WNK1: variants seen among roughly 807,000 people sequenced by gnomAD.
WNK1 encodes the protein serine/threonine-protein kinase WNK1.
In WNK1, 38 loss-of-function variants were observed where a neutral mutation model predicts 222.8. That is an observed-to-expected ratio of 0.17 (90% CI 0.13 to 0.22). WNK1 has a LOEUF of 0.22. WNK1 is among the 10% of genes least tolerant of loss of function. The pLI is 1.00. For missense variants in WNK1, 2,348 were observed against 2,918.4 expected (o/e 0.80, Z 4.50); for synonymous variants, 1,090 against 1,092.9 (o/e 1.00, Z 0.05).
chr12:795,328 G>C (rs1166567587), intron 1 of WNK1, among the ~76,000 whole-genome samples: 1 of 137,690 alleles, frequency 7.3e-6, no homozygotes, highest in Non-Finnish European at 1.5e-5. Flanking sequence ...GTCAGTTTCT[G>C]ATATGGTTTG....
Position 894,649 on chromosome 12 carries a change from T to C in WNK1, c.5583+14T>C, listed in dbSNP as rs2154093418. The C allele has an allele frequency of 6.2e-7, 1 of 1,612,302 alleles. No individual in the cohort carries two copies. The highest frequency in any genetic ancestry group is 8.5e-7 in the Non-Finnish European group (1 of 1,178,378). ...GGACGATTTCAGGTAAGACAGTCAC[T>C]TTGTGTTGCCTTGATTCCTTCCTTT... On this transcript the variant is annotated intron_variant, in intron 23 of 27. Transcript: ENST00000315939.
At chr12:863,067 C>T (rs749337491) in intron 8 of WNK1, among the ~76,000 whole-genome samples, 17 of 152,010 alleles carry the variant, frequency 1.1e-4, no homozygotes, top group Non-Finnish European at 8.8e-5. Flanking sequence ...AAATAAAATA[C>T]GTCATCTGCC....
chr12:873,624 A>C (rs1952354635), intron 9 of WNK1, among the ~76,000 whole-genome samples: 1 of 152,204 alleles, frequency 6.6e-6, no homozygotes, highest in African/African-American at 2.4e-5. Context: ...TTCCATTTTA[A>C]ATAAAGTTCT....
intron 1 of WNK1, among the ~76,000 whole-genome samples, chr12:788,062 G>T (rs958059928): frequency 6.6e-6 from 1 of 152,064 alleles, no homozygotes; most frequent in African/African-American, 2.4e-5. Context: ...CCTTTAGCCA[G>T]GATTTCTCAG....
At chr12:866,402 C>G (rs571214179) in intron 8 of WNK1, among the ~76,000 whole-genome samples, 1 of 152,148 alleles carries the variant, frequency 6.6e-6, no homozygotes, top group African/African-American at 2.4e-5. Flanking sequence ...CTCGCTCTGT[C>G]GCCAGGCTGG....
At chr12:859,506 A>T in intron 6 of WNK1, 42 bp downstream of exon 6, 1 of 1,459,838 alleles carries the variant, frequency 6.9e-7, no homozygotes, top group South Asian at 1.2e-5. Context: ...TTAGACTTAT[A>T]TATATCAATA....
At chr12:887,531 T>A (rs937532376) in intron 20 of WNK1, among the ~76,000 whole-genome samples, 1 of 149,794 alleles carries the variant, frequency 6.7e-6, no homozygotes, top group Non-Finnish European at 1.5e-5. Flanking sequence ...TTGATACTAA[T>A]TTTTTTTTTA....
In WNK1 at chr12:910,340, A is replaced by G. The variant is rs957637144; in HGVS notation, c.*1548A>G. ...ATTCTAGGAAAGAATACTTATTCCT[A>G]CTCATTTCCTTTATGATGTCCAAAT... On this transcript the variant is annotated 3_prime_UTR_variant, in exon 28 of 28. Transcript: ENST00000315939. 2 of 152,098 alleles carry G rather than the reference A, an allele frequency of 1.3e-5. No individual in the cohort carries two copies. Among genetic ancestry groups the G allele is most frequent in the African/African-American group, 2.4e-5 (1 of 41,396 alleles). The allele number at this position is 152,098 out of a possible 1,614,324, so 9.4% of individuals were successfully genotyped here.
rs1029255913 is a variant in WNK1 at position 759,435 on chromosome 12, A to G, written c.759+5111A>G. Reference sequence around the variant, plus strand: ...AACCTCCACCTCCCGGGTTCCAGCAATGCTCCTGCCTCAGCCCCCTGAGTA... The same window carrying G: ...AACCTCCACCTCCCGGGTTCCAGCAGTGCTCCTGCCTCAGCCCCCTGAGTA... On this transcript the variant is annotated intron_variant, in intron 1 of 27. Transcript: ENST00000315939. Among the ~76,000 whole-genome samples, 9 of 147,414 alleles carry G rather than the reference A, an allele frequency of 6.1e-5. 2 individuals carry two copies. The Middle Eastern group carries it at 0.018, about 290-fold the overall frequency.
At chr12:857,921 C>A (rs946394178) in intron 5 of WNK1, among the ~76,000 whole-genome samples, 3 of 152,292 alleles carry the variant, frequency 2.0e-5, no homozygotes, top group East Asian at 3.9e-4. Context: ...AAAAAGGAGA[C>A]CAGCTAGTAC....
At chr12:804,453 ACCTAT>A (rs1946168116) in intron 1 of WNK1, among the ~76,000 whole-genome samples, 1 of 115,714 alleles carries the variant, frequency 8.6e-6, no homozygotes, top group South Asian at 3.0e-4. Flanking sequence ...GCTCACTGCA[ACCTAT>A]GCGTCCCAGG....
chr12:761,805 G>T (rs1266793759), intron 1 of WNK1, among the ~76,000 whole-genome samples: 1 of 146,980 alleles, frequency 6.8e-6, no homozygotes, highest in East Asian at 2.0e-4. Context: ...AAGGTAAATC[G>T]GGAAATGCAA....
At chr12:782,736 T>C (rs1461402811) in intron 1 of WNK1, among the ~76,000 whole-genome samples, 1 of 151,962 alleles carries the variant, frequency 6.6e-6, no homozygotes, top group Non-Finnish European at 1.5e-5. Flanking sequence ...ACTCCTGACC[T>C]GAAGTGATCC....
At chr12:767,359 TCTC>T (rs1941886482) in intron 1 of WNK1, among the ~76,000 whole-genome samples, 1 of 145,982 alleles carries the variant, frequency 6.9e-6, no homozygotes, top group South Asian at 2.2e-4. Context: ...TTCAAGCAAT[TCTC>T]CTGCCTCAGC....
chr12:783,908 CAAAAAAAAAAAA>C (rs1261411899), intron 1 of WNK1, among the ~76,000 whole-genome samples: 3 of 27,448 alleles, frequency 1.1e-4, no homozygotes, highest in African/African-American at 2.1e-4. Flanking sequence ...CTGTCTCCAC[CAAAAAAAAAAAA>C]AAAAAAAAAA....
At chr12:811,614 T>C (rs1281085692) in intron 1 of WNK1, among the ~76,000 whole-genome samples, 8 of 152,286 alleles carry the variant, frequency 5.3e-5, no homozygotes, top group Admixed American at 3.3e-4. Flanking sequence ...CTGTGTCTTA[T>C]GTTAGTTTTG....
Position 813,704 on chromosome 12 carries a change from T to G in WNK1, c.822T>G (p.Gly274=). Residue 274 remains glycine, a synonymous_variant, in exon 2 of 28, where the codon GGT becomes GGG. Transcript: ENST00000315939. The part of the protein sequence containing the change: ...RFKEEAEMLK[G]LQHPNIVRFY... ...AAGAAGAAGCTGAAATGTTAAAAGG[T>G]CTTCAGCATCCCAATATTGTTAGAT... The G allele has an allele frequency of 6.2e-7, 1 of 1,613,948 alleles. No homozygotes were observed.
At chr12:792,308 CTTTTT>C (rs35838951) in intron 1 of WNK1, among the ~76,000 whole-genome samples, 1 of 89,060 alleles carries the variant, frequency 1.1e-5, no homozygotes, top group African/African-American at 4.0e-5. Flanking sequence ...TACTGTTATT[CTTTTT>C]TTTTTTTTTT....
In WNK1 at chr12:911,008, C is replaced by G. The variant is rs928309034; in HGVS notation, c.*2216C>G. On this transcript the variant is annotated 3_prime_UTR_variant, in exon 28 of 28. Transcript: ENST00000315939. ...ACTTTATACCAGAGGAGCAGTGGAG[C>G]CTCATGCAGCACATTATCATTTGTT... 3.6e-6 allele frequency: 1 copy of G among 281,114 alleles called. No homozygotes were observed. Among genetic ancestry groups the G allele is most frequent in the Non-Finnish European group, 6.5e-6 (1 of 153,516 alleles). The allele number at this position is 281,114 out of a possible 1,614,324, so 17.4% of individuals were successfully genotyped here. A position where few individuals can be genotyped will look rare whatever the true frequency, so the allele number is the denominator to read the frequency against.
Sources: allele counts gnomAD v4.1 joint callset (sites outside exome capture counted in the v4.1 genomes callset), GRCh38; gene constraint gnomAD v4.1.1; transcripts MANE v1.5; gene names NCBI Gene and HGNC (gene_info 2026-07-23, HGNC 2026-07-21).